Variants in EEPD1 observed in about 807,000 individuals in gnomAD.
EEPD1 encodes the protein endonuclease/exonuclease/phosphatase family domain containing 1, also known as endonuclease/exonuclease/phosphatase family domain-containing protein 1.
Under a neutral mutation model 46.3 loss-of-function variants are expected in EEPD1, and 17 were observed. That is an observed-to-expected ratio of 0.37 (90% CI 0.25 to 0.55). The LOEUF (loss-of-function observed/expected upper bound fraction) is 0.55, where lower values mean the gene tolerates loss of function less well. Ranked by LOEUF, EEPD1 falls within the 20% of genes least tolerant of loss-of-function variation. The pLI is 0.83. For synonymous variants in EEPD1, 313 were observed against 315.6 expected (o/e 0.99, Z 0.09); for missense variants, 673 against 745.6 (o/e 0.90, Z 1.13).
At chr7:36,184,886 A>G (rs1785337662) in intron 2 of EEPD1, among the ~76,000 whole-genome samples, 1 of 152,034 alleles carries the variant, frequency 6.6e-6, no homozygotes, top group African/African-American at 2.4e-5. Context: ...ACGTGCCACC[A>G]TACCTGGCTA....
intron 2 of EEPD1, among the ~76,000 whole-genome samples, chr7:36,238,442 G>A (rs1009389959): frequency 6.6e-6 from 1 of 152,182 alleles, no homozygotes; most frequent in African/African-American, 2.4e-5. Context: ...TCTACTTCCT[G>A]TCTGTGTGAA....
chr7:36,168,696 T>A (rs2540679), intron 2 of EEPD1, among the ~76,000 whole-genome samples: 98,927 of 150,686 alleles, frequency 0.66, 32,814 homozygotes, highest in Middle Eastern at 0.74. Context: ...AGGCGGAGCT[T>A]GCAGTGAGCG....
chr7:36,258,127 C>T (rs148551038), intron 3 of EEPD1, among the ~76,000 whole-genome samples: 119 of 152,268 alleles, frequency 7.8e-4, no homozygotes, highest in African/African-American at 2.6e-3. Flanking sequence ...CCACTCCGGA[C>T]CCCGTTTGCC....
rs577023244 is a variant in EEPD1, at chr7:36,289,745, C to G, written c.1315+1968C>G. ...TCCTGACCTCGTGATCTGCCCGCCT[C>G]GGCCTCCCAAAGTGCTGGGATTACA... On this transcript the variant is annotated intron_variant, in intron 6 of 7. Transcript: ENST00000242108. 2.0e-5 allele frequency among the ~76,000 whole-genome samples: 3 copies of G among 152,350 alleles called. No homozygotes were observed. The South Asian group carries it at 6.2e-4, about 32-fold the overall frequency.
intron 6 of EEPD1, among the ~76,000 whole-genome samples, chr7:36,293,690 G>A (rs1394219315): frequency 2.6e-5 from 4 of 152,140 alleles, no homozygotes; most frequent in South Asian, 2.1e-4. Context: ...TTAGCCGGGC[G>A]CCATGGCTCA....
chr7:36,236,488 C>T (rs1204070785), intron 2 of EEPD1, among the ~76,000 whole-genome samples: 1 of 152,208 alleles, frequency 6.6e-6, no homozygotes. Context: ...CTCGTTTCCC[C>T]TCTTTTCCTC....
chr7:36,174,521 C>T (rs973698907), intron 2 of EEPD1, among the ~76,000 whole-genome samples: 9 of 152,234 alleles, frequency 5.9e-5, no homozygotes, highest in Non-Finnish European at 1.2e-4. Context: ...TACTGCCTCC[C>T]TACCCATGTT....
At chr7:36,223,130 G>A (rs1041514241) in intron 2 of EEPD1, among the ~76,000 whole-genome samples, 6 of 151,680 alleles carry the variant, frequency 4.0e-5, no homozygotes, top group African/African-American at 9.7e-5. Flanking sequence ...CAACCTGGGC[G>A]ACAGAGTGAG....
At chr7:36,162,748 T>A (rs2115605566) in intron 2 of EEPD1, among the ~76,000 whole-genome samples, 1 of 152,372 alleles carries the variant, frequency 6.6e-6, no homozygotes. Flanking sequence ...AGCCCTTGTT[T>A]CCTGTGAATT....
intron 3 of EEPD1, among the ~76,000 whole-genome samples, chr7:36,248,514 CTT>C (rs35722763): frequency 0.16 from 20,424 of 126,718 alleles, 1,680 homozygotes; most frequent in African/African-American, 0.24. Flanking sequence ...GCCAGATACT[CTT>C]TTTTTTTTTT....
chr7:36,165,625 G>A (rs367849827), intron 2 of EEPD1, among the ~76,000 whole-genome samples: 1 of 69,382 alleles, frequency 1.4e-5, no homozygotes, highest in African/African-American at 4.2e-5. Flanking sequence ...ATTTTTAGTA[G>A]AGACAGGGTT....
intron 2 of EEPD1, among the ~76,000 whole-genome samples, chr7:36,190,628 GA>G (rs1785445509): frequency 6.6e-6 from 1 of 152,258 alleles, no homozygotes; most frequent in Non-Finnish European, 1.5e-5. Context: ...CAGACTTGCA[GA>G]GGGGGAAACA....
chr7:36,168,263 T>C (rs1785019049), intron 2 of EEPD1, among the ~76,000 whole-genome samples: 1 of 152,246 alleles, frequency 6.6e-6, no homozygotes, highest in South Asian at 2.1e-4. Flanking sequence ...TGCCTTGATA[T>C]TCATTAAGTG....
chr7:36,177,706 T>G (rs1352770213), intron 2 of EEPD1, among the ~76,000 whole-genome samples: 1 of 152,138 alleles, frequency 6.6e-6, no homozygotes, highest in East Asian at 1.9e-4. Context: ...TTGCCTTAGC[T>G]GTTTTGTTGT....
rs1401226730 is a variant in EEPD1, at chr7:36,281,107, C to G, written c.931-8C>G. ...CCCACGCTTCTGACCTGTGCTCTGT[C>G]TTTGCAGTTCTGCACGGAGCTAAAC... On this transcript the variant is annotated splice_region_variant and splice_polypyrimidine_tract_variant and intron_variant, in intron 3 of 7. Transcript: ENST00000242108. 6.2e-7 allele frequency: 1 copy of G among 1,613,854 alleles called. No homozygotes were observed. The highest frequency in any genetic ancestry group is 1.1e-5 in the South Asian group (1 of 91,072).
chr7:36,176,977 C>T (rs933997178), intron 2 of EEPD1, among the ~76,000 whole-genome samples: 2 of 152,172 alleles, frequency 1.3e-5, no homozygotes, highest in African/African-American at 4.8e-5. Flanking sequence ...TGTTATCACA[C>T]ACATTTTTAG....
At chr7:36,259,681 A>AT (rs34279342) in intron 3 of EEPD1, among the ~76,000 whole-genome samples, 21,253 of 151,644 alleles carry the variant, frequency 0.14, 1,741 homozygotes, top group Non-Finnish European at 0.18. Context: ...GGCTATTATA[A>AT]TTTTTTGTAC....
In EEPD1 at chr7:36,225,058, A is replaced by T. The variant is rs1269144846; in HGVS notation, c.879-13927A>T. On this transcript the variant is annotated intron_variant, in intron 2 of 7. Coordinates refer to ENST00000242108, the MANE Select transcript of EEPD1 (RefSeq NM_030636.3). This position sits in a 1 kb window ranked among gnomAD's most constrained non-coding sequence, Gnocchi z 4.2. Reference sequence around the variant, plus strand: ...CAGGCAGCCACCAGAGACAAAAAAAAAATAGGCTCTCCTCTCGAGCCTCCA... The same window carrying T: ...CAGGCAGCCACCAGAGACAAAAAAATAATAGGCTCTCCTCTCGAGCCTCCA... Among the ~76,000 whole-genome samples, 4 of 152,114 alleles carry T rather than the reference A, an allele frequency of 2.6e-5. No homozygotes were observed. Among genetic ancestry groups the T allele is most frequent in the Non-Finnish European group, 5.9e-5 (4 of 68,032 alleles).
intron 2 of EEPD1, among the ~76,000 whole-genome samples, chr7:36,203,099 A>G (rs546631670): frequency 7.2e-5 from 11 of 152,298 alleles, no homozygotes; most frequent in Non-Finnish European, 1.2e-4. Flanking sequence ...CTGGCTCCCA[A>G]AGAGGGAAGA....
Sources: allele counts gnomAD v4.1 joint callset (sites outside exome capture counted in the v4.1 genomes callset), GRCh38; gene constraint gnomAD v4.1.1; non-coding constraint Gnocchi (gnomAD v3.1); transcripts MANE v1.5; gene names NCBI Gene and HGNC (gene_info 2026-07-23, HGNC 2026-07-21).